Variants in PRH1 observed in about 807,000 individuals in gnomAD.
PRH1 encodes the protein proline rich protein HaeIII subfamily 1, also known as salivary acidic proline-rich phosphoprotein 1/2.
Under a neutral mutation model 7.9 loss-of-function variants are expected in PRH1, and 7 were observed. That is an observed-to-expected ratio of 0.89 (90% CI 0.50 to 1.67). The LOEUF (loss-of-function observed/expected upper bound fraction) is 1.67. Ranked by LOEUF, PRH1 falls within the 40% of genes most tolerant of loss-of-function variation. The pLI is 0.00. For synonymous variants in PRH1, 45 were observed against 80.8 expected (o/e 0.56, Z 2.38); for missense variants, 109 against 223.6 (o/e 0.49, Z 3.27).
intron 2 of PRH1, among the ~76,000 whole-genome samples, chr12:10,970,756 G>A (rs1024189432): frequency 2.0e-5 from 3 of 151,894 alleles, no homozygotes; most frequent in East Asian, 3.9e-4. Context: ...TAGTAGATAC[G>A]GGCTTTCACC....
At chr12:11,101,344 G>C (rs569946164) in intron 1 of PRH1, among the ~76,000 whole-genome samples, 10 of 152,256 alleles carry the variant, frequency 6.6e-5, no homozygotes, top group African/African-American at 2.4e-4. Context: ...GAAAAAATTA[G>C]CAGGGCGTAG....
intron 1 of PRH1, among the ~76,000 whole-genome samples, chr12:11,115,256 C>A (rs1211960147): frequency 3.3e-5 from 5 of 151,984 alleles, no homozygotes; most frequent in Admixed American, 1.3e-4. Flanking sequence ...AGTACCTATA[C>A]AAGTATTAGA....
intron 1 of PRH1, among the ~76,000 whole-genome samples, chr12:10,979,881 C>G (rs1939273688): frequency 1.3e-5 from 2 of 152,106 alleles, no homozygotes; most frequent in Admixed American, 6.6e-5. Flanking sequence ...AGTCTGAAGT[C>G]TTCATTAACA....
intron 1 of PRH1, among the ~76,000 whole-genome samples, chr12:11,054,795 CTTTTTTT>C (rs71051560): frequency 2.5e-4 from 13 of 52,784 alleles, no homozygotes; most frequent in African/African-American, 8.2e-4. Flanking sequence ...TCTGATGTTT[CTTTTTTT>C]TTTTTTTTTT....
At chr12:11,130,043 A>G (rs1946284806) in intron 1 of PRH1, among the ~76,000 whole-genome samples, 1 of 152,186 alleles carries the variant, frequency 6.6e-6, no homozygotes, top group South Asian at 2.1e-4. Flanking sequence ...CCCAGCTGCC[A>G]GCAATGCCGA....
chr12:11,018,200 G>C (rs2136059290), intron 1 of PRH1, among the ~76,000 whole-genome samples: 1 of 152,280 alleles, frequency 6.6e-6, no homozygotes, highest in African/African-American at 2.4e-5. Context: ...CAAACCCCTA[G>C]GGAATTACTG....
At chr12:10,931,178 G>C in intron 2 of PRH1, 5 of 1,557,170 alleles carry the variant, frequency 3.2e-6, no homozygotes, top group African/African-American at 1.4e-5. Context: ...TAATATTTCC[G>C]TGTCCTGGAA....
chr12:11,061,898 G>T lies in PRH1; in HGVS notation n.124-14710C>A, dbSNP rs537338046. ...ACCAAAAATAGCAAAGGCCCCAATA[G>T]TATCACCAGAACAACACTCTTAACT... On this transcript the variant is annotated intron_variant and non_coding_transcript_variant, in intron 1 of 4. Transcript: ENST00000541977. The T allele has an allele frequency of 2.9e-4, 475 of 1,613,242 alleles. 5 individuals are homozygous for T. The South Asian group carries it at 4.9e-3, about 17-fold the overall frequency.
At chr12:10,951,972 T>C (rs553199915) in intron 2 of PRH1, among the ~76,000 whole-genome samples, 1 of 152,356 alleles carries the variant, frequency 6.6e-6, no homozygotes, top group South Asian at 2.1e-4. Context: ...CTCTGCTTCA[T>C]ATAGGTATGA....
intron 1 of PRH1, among the ~76,000 whole-genome samples, chr12:11,010,724 A>G (rs894145236): frequency 6.6e-6 from 1 of 151,948 alleles, no homozygotes; most frequent in Non-Finnish European, 1.5e-5. Flanking sequence ...ATTTACATAC[A>G]CTATTATTAA....
intron 2 of PRH1, among the ~76,000 whole-genome samples, chr12:10,955,302 T>C (rs1223985719): frequency 2.0e-5 from 3 of 152,064 alleles, no homozygotes; most frequent in Non-Finnish European, 4.4e-5. Flanking sequence ...TATAATTACA[T>C]AGAAATTAAA....
intron 1 of PRH1, among the ~76,000 whole-genome samples, chr12:11,112,819 G>C (rs1365601274): frequency 2.6e-5 from 4 of 152,100 alleles, no homozygotes; most frequent in Admixed American, 2.6e-4. Flanking sequence ...GGAAGAGAAA[G>C]AAATAAAGGG....
At chr12:11,165,489 T>C (rs1947547239) in intron 1 of PRH1, among the ~76,000 whole-genome samples, 1 of 152,210 alleles carries the variant, frequency 6.6e-6, no homozygotes, top group Non-Finnish European at 1.5e-5. Flanking sequence ...AGTTTCTATC[T>C]CTCTGCTAAA....
At chr12:11,059,245 C>T (rs530004114) in intron 1 of PRH1, among the ~76,000 whole-genome samples, 13 of 151,706 alleles carry the variant, frequency 8.6e-5, no homozygotes, top group South Asian at 4.2e-4. Flanking sequence ...GCCAAGTGTA[C>T]GCATCTGATG....
intron 1 of PRH1, among the ~76,000 whole-genome samples, chr12:11,060,682 A>T (rs1943558119): frequency 1.3e-5 from 2 of 152,132 alleles, no homozygotes; most frequent in Non-Finnish European, 2.9e-5. Context: ...GCTTGTATTA[A>T]ATCTAATATT....
intron 1 of PRH1, chr12:11,171,106 C>G: frequency 2.6e-6 from 1 of 386,896 alleles, no homozygotes; most frequent in Non-Finnish European, 4.6e-6. Context: ...CATCCTATTC[C>G]AGAGCCACCT....
intron 1 of PRH1, among the ~76,000 whole-genome samples, chr12:11,169,639 G>C (rs1947752768): frequency 1.3e-5 from 2 of 152,242 alleles, no homozygotes; most frequent in South Asian, 2.1e-4. Flanking sequence ...AGGACGTAAT[G>C]ACTCCTGTGA....
intron 1 of PRH1, among the ~76,000 whole-genome samples, chr12:11,162,475 ACTGT>A (rs1258810536): frequency 1.3e-5 from 2 of 152,194 alleles, no homozygotes; most frequent in African/African-American, 4.8e-5. Flanking sequence ...GGTAAACAGA[ACTGT>A]CTATCACTCA....
intron 2 of PRH1, chr12:10,930,206 A>G (rs1444413185): frequency 6.4e-7 from 1 of 1,560,620 alleles, no homozygotes; most frequent in African/African-American, 1.4e-5. Context: ...TCCTCGTAGA[A>G]CACTATGAGC....
Sources: gnomAD v4.1 joint callset for allele counts (sites outside exome capture counted in the v4.1 genomes callset) on GRCh38, gnomAD v4.1.1 for gene constraint, MANE v1.5 for transcripts, NCBI Gene and HGNC (gene_info 2026-07-23, HGNC 2026-07-21) for gene names.